The following ANK3 variants were observed in gnomAD, a reference collection of about 807,000 sequenced individuals.
ANK3 encodes ankyrin 3.
ANK3 carries 57 observed loss-of-function variants against 370.9 expected under a neutral mutation model. The ratio of observed to expected loss-of-function variants is 0.15; its 90% CI spans 0.12 to 0.19. The LOEUF (loss-of-function observed/expected upper bound fraction) is 0.19. Among genes scored for constraint, ANK3 ranks in the 10% least tolerant of loss-of-function variants. The pLI, the probability that ANK3 is intolerant of heterozygous loss-of-function variation, is 1.00. For missense variants in ANK3, 4,439 were observed against 5,302.1 expected (o/e 0.84, Z 5.06); for synonymous variants, 1,929 against 1,946.3 (o/e 0.99, Z 0.23).
intron 28 of ANK3, 116 bp from the exon 29 acceptor site, chr10:60,088,474 G>C: frequency 1.1e-6 from 1 of 899,662 alleles, no homozygotes. Flanking sequence ...TACCCAGGCT[G>C]AAGTGCAATG....
intron 2 of ANK3, among the ~76,000 whole-genome samples, chr10:60,518,907 C>T (rs918621708): frequency 4.6e-5 from 7 of 152,094 alleles, no homozygotes; most frequent in Admixed American, 2.6e-4. Flanking sequence ...CCAGCCATGG[C>T]GTTGCTGGGA....
At chr10:60,302,697 G>T (rs910892457) in intron 1 of ANK3, among the ~76,000 whole-genome samples, 2 of 152,086 alleles carry the variant, frequency 1.3e-5, no homozygotes, top group African/African-American at 2.4e-5. Context: ...GACTACCATA[G>T]TATTTTAAAA....
At chr10:60,698,004 A>C (rs2079487235) in intron 1 of ANK3, among the ~76,000 whole-genome samples, 1 of 152,196 alleles carries the variant, frequency 6.6e-6, no homozygotes, top group South Asian at 2.1e-4. Context: ...CAACCTACTC[A>C]TCTGACAAAA....
rs115994604 is a variant in ANK3, at chr10:60,306,976, C to T, written c.115-27337G>A. ...AACTTCTGGCCTCAAGCGATCTACC[C>T]GCCTCAGGCTCCCAGAGAGCTGGGA... On this transcript the variant is annotated intron_variant, in intron 1 of 43. Transcript: ENST00000280772. Among the ~76,000 whole-genome samples, 890 of 152,220 alleles carry T rather than the reference C, an allele frequency of 5.8e-3. 7 individuals carry two copies. The highest frequency in any genetic ancestry group is 0.02 in the African/African-American group (847 of 41,540).
intron 2 of ANK3, among the ~76,000 whole-genome samples, chr10:60,518,905 G>A (rs1178719342): frequency 6.6e-6 from 1 of 152,080 alleles, no homozygotes; most frequent in Non-Finnish European, 1.5e-5. Context: ...ACCCAGCCAT[G>A]GCGTTGCTGG....
intron 1 of ANK3, among the ~76,000 whole-genome samples, chr10:60,716,813 G>C (rs1313700374): frequency 6.6e-6 from 1 of 152,160 alleles, no homozygotes; most frequent in Non-Finnish European, 1.5e-5. Context: ...ACTGTGCCCA[G>C]CCTTCATCAA....
chr10:60,277,049 T>C (rs765073493), intron 4 of ANK3, among the ~76,000 whole-genome samples: 2 of 152,218 alleles, frequency 1.3e-5, no homozygotes, highest in Non-Finnish European at 1.5e-5. Flanking sequence ...ATAATTGGCA[T>C]AGATCATGTA....
intron 1 of ANK3, among the ~76,000 whole-genome samples, chr10:60,282,570 C>T (rs912780011): frequency 6.6e-6 from 1 of 152,030 alleles, no homozygotes; most frequent in African/African-American, 2.4e-5. Flanking sequence ...TCATGTGGTT[C>T]AGGAGTGCTA....
At chr10:60,649,463 G>A (rs10761538) in intron 1 of ANK3, among the ~76,000 whole-genome samples, 102,887 of 151,970 alleles carry the variant, frequency 0.68, 34,980 homozygotes, top group South Asian at 0.83. Flanking sequence ...ATCTTAAGAT[G>A]AAATACCAAG....
In ANK3 at chr10:60,609,524, G is replaced by A. The variant is rs1170623879; in HGVS notation, c.96+5662C>T. ...CCATAAAAGGGTCTACCACAAAGGG[G>A]ACTTCTTTTTTCCTTTTTTTTTTTC... On this transcript the variant is annotated intron_variant, in intron 2 of 43. Transcript: ENST00000373827. Among the ~76,000 whole-genome samples, 5 of 118,434 alleles carry A rather than the reference G, an allele frequency of 4.2e-5. No individual in the cohort carries two copies. In the Admixed American group the frequency reaches 4.9e-4, roughly 12 times the overall value. The allele number at this position is 118,434 out of a possible 152,430, so 77.7% of individuals were successfully genotyped here.
chr10:60,249,202 T>C (rs1432261675), intron 7 of ANK3, among the ~76,000 whole-genome samples: 3 of 152,222 alleles, frequency 2.0e-5, no homozygotes, highest in Non-Finnish European at 4.4e-5. Flanking sequence ...TAAAACTCAA[T>C]TGTGGAGGAA....
intron 2 of ANK3, among the ~76,000 whole-genome samples, chr10:60,570,523 A>C (rs769892669): frequency 5.9e-5 from 9 of 152,200 alleles, no homozygotes; most frequent in Non-Finnish European, 1.3e-4. Context: ...AGGGACTGGT[A>C]AAAACCCTGG....
intron 2 of ANK3, among the ~76,000 whole-genome samples, chr10:60,574,558 G>A (rs992922660): frequency 5.3e-5 from 8 of 152,066 alleles, no homozygotes; most frequent in African/African-American, 1.7e-4. Flanking sequence ...ATCTCAAGAC[G>A]GCAAAATAAA....
chr10:60,511,627 G>GATGA (rs2076082490), intron 2 of ANK3, among the ~76,000 whole-genome samples: 1 of 152,050 alleles, frequency 6.6e-6, no homozygotes, highest in South Asian at 2.1e-4. Context: ...AGCATTCACA[G>GATGA]ATGACTGCAA....
At chr10:60,589,137 T>C (rs2077875443) in intron 2 of ANK3, among the ~76,000 whole-genome samples, 1 of 152,198 alleles carries the variant, frequency 6.6e-6, no homozygotes, top group Admixed American at 6.5e-5. Flanking sequence ...TGTGTAGCAT[T>C]TTATTAAGGA....
At chr10:60,203,237 A>G (rs138563886) in intron 11 of ANK3, 137 bp from the exon 12 acceptor site, 40 of 539,486 alleles carry the variant, frequency 7.4e-5, no homozygotes, top group African/African-American at 7.1e-4. Context: ...GACATTCACC[A>G]TTATGTTACA....
At chr10:60,623,811 C>G (rs1475592328) in intron 1 of ANK3, among the ~76,000 whole-genome samples, 1 of 152,140 alleles carries the variant, frequency 6.6e-6, no homozygotes, top group Non-Finnish European at 1.5e-5. Flanking sequence ...GAAAAGAGTG[C>G]CTTTGTTCTC....
intron 2 of ANK3, among the ~76,000 whole-genome samples, chr10:60,401,105 T>C (rs1200802636): frequency 2.0e-5 from 3 of 152,172 alleles, no homozygotes; most frequent in Non-Finnish European, 2.9e-5. Context: ...ATATACATTA[T>C]GCTAAGTGAA....
In ANK3 at chr10:60,074,539, G is replaced by T. The variant is rs1286807524; in HGVS notation, c.6342C>A (p.Asp2114Glu). The T allele has an allele frequency of 2.5e-6, 4 of 1,613,670 alleles. No homozygotes were observed. In the Admixed American group the frequency reaches 6.7e-5, roughly 27 times the overall value. ...TTTTATCTTGGTCGTGTTGAGAAAA[G>T]TCATCAGGAGACTCTAAAATAGTAT... ...GTDTILESPDDFSQHDQDKSP... is the reference protein window; with the variant it reads ...GTDTILESPDEFSQHDQDKSP... The change falls in exon 37 of 44, where the codon GAC becomes GAA. Residue 2114 changes from aspartate (D) to glutamate (E), a missense_variant. Asp to Glu is a conservative substitution (Grantham distance 45). This residue lies in a region of ANK3 where 679 missense variants were observed against 791.0 expected (regional missense o/e 0.86). Coordinates refer to ENST00000280772, the MANE Select transcript of ANK3 (RefSeq NM_020987.5).
Sources: allele counts gnomAD v4.1 joint callset (sites outside exome capture counted in the v4.1 genomes callset), GRCh38; gene constraint gnomAD v4.1.1; regional missense constraint gnomAD v4.1.1; transcripts MANE v1.5; gene names NCBI Gene and HGNC (gene_info 2026-07-23, HGNC 2026-07-21).